SLC25A13: variants seen among roughly 807,000 people sequenced by gnomAD.
SLC25A13 encodes the protein electrogenic aspartate/glutamate antiporter SLC25A13, mitochondrial.
Under a neutral mutation model 85.5 loss-of-function variants are expected in SLC25A13, and 70 were observed. The ratio of observed to expected loss-of-function variants is 0.82; its 90% CI spans 0.68 to 1.00. SLC25A13 has a LOEUF of 1.00. Ranked by LOEUF, SLC25A13 falls within the 50% of genes least tolerant of loss-of-function variation. The pLI, the probability that SLC25A13 is intolerant of heterozygous loss-of-function variation, is 0.00. For missense variants in SLC25A13, 765 were observed against 819.8 expected (o/e 0.93, Z 0.82); for synonymous variants, 259 against 288.7 (o/e 0.90, Z 1.04).
intron 5 of SLC25A13, among the ~76,000 whole-genome samples, chr7:96,194,232 C>T (rs955365206): frequency 4.7e-5 from 7 of 148,770 alleles, no homozygotes; most frequent in Non-Finnish European, 1.0e-4. Context: ...CCCAGTAGTT[C>T]CAGGCCAGCC....
chr7:96,258,711 C>A (rs1474197265), intron 3 of SLC25A13, among the ~76,000 whole-genome samples: 1 of 152,180 alleles, frequency 6.6e-6, no homozygotes, highest in Admixed American at 6.5e-5. Flanking sequence ...TTAGAAAAAA[C>A]TACTTTAAAT....
chr7:96,208,524 G>C (rs1014198014), intron 5 of SLC25A13, among the ~76,000 whole-genome samples: 1 of 60,128 alleles, frequency 1.7e-5, no homozygotes, highest in African/African-American at 6.3e-5. Flanking sequence ...TTTTTTTTTT[G>C]AGACGGAGTC....
At chr7:96,275,801 G>A (rs1277672119) in intron 3 of SLC25A13, among the ~76,000 whole-genome samples, 1 of 152,096 alleles carries the variant, frequency 6.6e-6, no homozygotes, top group African/African-American at 2.4e-5. Flanking sequence ...ACGAGTTGAC[G>A]GGTGCAGCAC....
chr7:96,309,780 T>G (rs1799885006), intron 1 of SLC25A13: 1 of 152,190 alleles, frequency 6.6e-6, no homozygotes, highest in African/African-American at 2.4e-5. Flanking sequence ...TTTTAAATGA[T>G]TCAATAACTG....
In SLC25A13 at chr7:96,121,195, G is replaced by C. The variant is rs1562773541; in HGVS notation, c.2024C>G (p.Pro675Arg). ...VSTSKAIGGG[P>R] ...ACTATCCCAGGGCTGATCTTCCTAT[G>C]GGCCTCCACCAATAGCCTTTGAGGT... is the stretch of plus-strand genomic sequence containing the variant. The change falls in exon 18 of 18, where the codon CCA becomes CGA. Residue 675 changes from proline to arginine, a missense_variant. Pro to Arg is a moderately radical substitution (Grantham distance 103). Transcript: ENST00000265631. 3.1e-6 allele frequency: 5 copies of C among 1,614,120 alleles called. No homozygotes were observed. Among genetic ancestry groups the C allele is most frequent in the Non-Finnish European group, 4.2e-6 (5 of 1,180,006 alleles).
intron 11 of SLC25A13, among the ~76,000 whole-genome samples, chr7:96,175,145 A>AG (rs1794170445): frequency 6.6e-6 from 1 of 152,152 alleles, no homozygotes; most frequent in Non-Finnish European, 1.5e-5. Flanking sequence ...TGCCTGCAGG[A>AG]GGGGAAAAAA....
chr7:96,189,402 G>T (rs753358837), intron 8 of SLC25A13, 24 bp from the exon 9 acceptor site: 3 of 1,599,568 alleles, frequency 1.9e-6, no homozygotes, highest in East Asian at 4.5e-5. Flanking sequence ...ACAAACACAA[G>T]CAACAAATAT....
Position 96,121,211 on chromosome 7 carries a change from C to G in SLC25A13, c.2008G>C (p.Ala670Pro), listed in dbSNP as rs764619502. The G allele has an allele frequency of 3.7e-6, 6 of 1,614,150 alleles. No individual in the cohort carries two copies. The highest frequency in any genetic ancestry group is 3.3e-5 in the Admixed American group (2 of 60,020). Residue 670 changes from alanine (A) to proline (P), a missense_variant, in exon 18 of 18, where the codon GCT becomes CCT. Transcript: ENST00000265631. Reference protein sequence around the residue: ...LFKPSVSTSKAIGGGP With the variant: ...LFKPSVSTSKPIGGGP ...TCTTCCTATGGGCCTCCACCAATAG[C>G]CTTTGAGGTAGATACTGATGGCTTG... is the stretch of plus-strand genomic sequence containing the variant.
At chr7:96,185,495 C>T (rs1794599170) in intron 9 of SLC25A13, among the ~76,000 whole-genome samples, 1 of 152,020 alleles carries the variant, frequency 6.6e-6, no homozygotes, top group Admixed American at 6.6e-5. Context: ...GCTACTCAGG[C>T]TGAGGAGGGA....
intron 1 of SLC25A13, among the ~76,000 whole-genome samples, chr7:96,321,095 G>T (rs769111589): frequency 6.6e-6 from 1 of 152,238 alleles, no homozygotes; most frequent in Non-Finnish European, 1.5e-5. Context: ...TTCTGCCAGA[G>T]AAGTTGAAAT....
At chr7:96,313,570 A>G (rs1554387466) in intron 1 of SLC25A13, among the ~76,000 whole-genome samples, 1 of 152,188 alleles carries the variant, frequency 6.6e-6, no homozygotes, top group Non-Finnish European at 1.5e-5. Context: ...ATGGGTACTC[A>G]TGGACATAAA....
chr7:96,222,061 A>AT (rs1796151087), intron 4 of SLC25A13, among the ~76,000 whole-genome samples: 2 of 152,182 alleles, frequency 1.3e-5, no homozygotes, highest in South Asian at 4.1e-4. Flanking sequence ...AAATAGATTT[A>AT]TTTTTTCCGC....
At chr7:96,192,294 C>A (rs555428992) in intron 6 of SLC25A13, among the ~76,000 whole-genome samples, 2 of 152,142 alleles carry the variant, frequency 1.3e-5, no homozygotes, top group African/African-American at 4.8e-5. Flanking sequence ...AGAGTTACCA[C>A]GGGCTATTGG....
At chr7:96,202,671 C>T (rs534373219) in intron 5 of SLC25A13, among the ~76,000 whole-genome samples, 19 of 152,230 alleles carry the variant, frequency 1.2e-4, no homozygotes, top group African/African-American at 3.6e-4. Flanking sequence ...ATACAGGGGC[C>T]GTAGGTAGGG....
chr7:96,146,433 G>A, intron 14 of SLC25A13, 123 bp downstream of exon 14: 1 of 1,300,290 alleles, frequency 7.7e-7, no homozygotes, highest in Non-Finnish European at 1.1e-6. Flanking sequence ...TCTGCAGCTT[G>A]GGTAGAACAT....
intron 11 of SLC25A13, among the ~76,000 whole-genome samples, chr7:96,181,521 G>A (rs577766109): frequency 6.6e-6 from 1 of 152,324 alleles, no homozygotes; most frequent in South Asian, 2.1e-4. Flanking sequence ...ATAAGAAAAA[G>A]AGATATTTAT....
chr7:96,224,173 G>T (rs942038560), intron 4 of SLC25A13, among the ~76,000 whole-genome samples: 1 of 152,094 alleles, frequency 6.6e-6, no homozygotes, highest in East Asian at 1.9e-4. Flanking sequence ...CACTCACAAA[G>T]TGGGGTGACT....
chr7:96,126,741 G>C (rs1305890659), intron 15 of SLC25A13, among the ~76,000 whole-genome samples: 4 of 152,102 alleles, frequency 2.6e-5, no homozygotes, highest in Non-Finnish European at 5.9e-5. Flanking sequence ...GCATTTTCTA[G>C]TGCCAATAAA....
intron 4 of SLC25A13, among the ~76,000 whole-genome samples, chr7:96,231,247 T>C (rs1175675677): frequency 1.3e-5 from 2 of 151,924 alleles, no homozygotes; most frequent in East Asian, 3.9e-4. Flanking sequence ...AAAACAAAAA[T>C]TGACAAATGG....
Sources: gnomAD v4.1 joint callset for allele counts (sites outside exome capture counted in the v4.1 genomes callset) on GRCh38, gnomAD v4.1.1 for gene constraint, MANE v1.5 for transcripts, NCBI Gene and HGNC (gene_info 2026-07-23, HGNC 2026-07-21) for gene names.